The following FAM193A variants were observed in gnomAD, a reference collection of about 807,000 sequenced individuals.
FAM193A encodes the protein family with sequence similarity 193 member A, also known as protein FAM193A.
In FAM193A, 22 loss-of-function variants were observed where a neutral mutation model predicts 126.5. The ratio of observed to expected loss-of-function variants is 0.17; its 90% confidence interval spans 0.12 to 0.25. The LOEUF (loss-of-function observed/expected upper bound fraction) is 0.25, where lower values mean the gene tolerates loss of function less well. Ranked by LOEUF, FAM193A falls within the 10% of genes least tolerant of loss-of-function variation. FAM193A has a pLI of 1.00. For missense variants in FAM193A, 1,675 were observed against 1,672.8 expected, an observed-to-expected ratio of 1.00 and a Z score of -0.02; for synonymous variants, 761 against 646.8, an observed-to-expected ratio of 1.18 and a Z score of -2.68.
At chr4:2,642,134 C>CAAAA (rs35799531) in intron 6 of FAM193A, among the ~76,000 whole-genome samples, 1,243 of 86,176 alleles carry the variant, frequency 0.014, 70 homozygotes, top group African/African-American at 0.05. Flanking sequence ...ACTAAAAATA[C>CAAAA]AAAAAAAAAA....
At chr4:2,684,601 TC>T (rs1336002191) in intron 13 of FAM193A, among the ~76,000 whole-genome samples, 1 of 152,162 alleles carries the variant, frequency 6.6e-6, no homozygotes, top group Non-Finnish European at 1.5e-5. Flanking sequence ...ACCACAGCCC[TC>T]CATAGTGGAT....
intron 1 of FAM193A, among the ~76,000 whole-genome samples, chr4:2,538,596 C>T (rs1254573099): frequency 6.6e-6 from 1 of 151,066 alleles, no homozygotes; most frequent in East Asian, 1.9e-4. Flanking sequence ...TCAAAACAGG[C>T]CGCAGTTCTT....
At chr4:2,665,056 T>C (rs146388608) in intron 12 of FAM193A, among the ~76,000 whole-genome samples, 326 of 152,324 alleles carry the variant, frequency 2.1e-3, no homozygotes, top group African/African-American at 7.1e-3. Flanking sequence ...TGGGATGATA[T>C]AGATCAATTT....
intron 1 of FAM193A, among the ~76,000 whole-genome samples, chr4:2,556,396 G>A (rs1305882768): frequency 6.6e-6 from 1 of 151,566 alleles, no homozygotes; most frequent in Non-Finnish European, 1.5e-5. Flanking sequence ...AGTAGAGATG[G>A]GGTTTCACCA....
At position 2,731,768 on chromosome 4, in the gene FAM193A, T is replaced by G; in HGVS notation, c.4455-7T>G. 2 of 1,611,458 alleles carry G rather than the reference T, an allele frequency of 1.2e-6. No individual in the cohort carries two copies. Among genetic ancestry groups the G allele is most frequent in the Non-Finnish European group, 1.7e-6 (2 of 1,177,762 alleles). On this transcript the variant is annotated splice_region_variant and splice_polypyrimidine_tract_variant and intron_variant, in intron 20 of 20. Coordinates refer to ENST00000637812, the MANE Select transcript of FAM193A (RefSeq NM_001366318.2). ...TTCAGTGACTGTTTGGCTTTTTGTC[T>G]TTGCAGGTTCTGCTTGGATTCTGCT...
chr4:2,607,883 A>G (rs1297767529), intron 2 of FAM193A: 4 of 776,178 alleles, frequency 5.2e-6, no homozygotes, highest in East Asian at 2.9e-5. Context: ...TGTTGCAGAT[A>G]TTGCCTGTTT....
intron 1 of FAM193A, among the ~76,000 whole-genome samples, chr4:2,541,976 G>A (rs554314505): frequency 4.6e-4 from 69 of 151,450 alleles, no homozygotes; most frequent in South Asian, 2.9e-3. Flanking sequence ...TCAGCCTCCC[G>A]AGTAGCTGAG....
intron 7 of FAM193A, among the ~76,000 whole-genome samples, chr4:2,651,492 GGA>G (rs907689016): frequency 6.6e-6 from 1 of 152,154 alleles, no homozygotes; most frequent in Non-Finnish European, 1.5e-5. Context: ...CACAGTGGCA[GGA>G]GAGAGAGAGC....
rs190850725 is a variant in FAM193A at position 2,553,124 on chromosome 4, G to A, written c.255+15954G>A. Reference sequence around the variant, plus strand: ...CGGTCTCCCAGCGTGCTGGGATTACGGGCTTGAGCCACTGTGCCTGGCCGA... The same window carrying A: ...CGGTCTCCCAGCGTGCTGGGATTACAGGCTTGAGCCACTGTGCCTGGCCGA... On this transcript the variant is annotated intron_variant, in intron 1 of 20. Coordinates refer to ENST00000637812, the MANE Select transcript of FAM193A (RefSeq NM_001366318.2). 1.6e-3 allele frequency among the ~76,000 whole-genome samples: 243 copies of A among 151,990 alleles called. 1 individual carries two copies. The highest frequency in any genetic ancestry group is 5.3e-3 in the African/African-American group (218 of 41,496).
intron 1 of FAM193A, among the ~76,000 whole-genome samples, chr4:2,590,507 AAAAAAAAAAC>A (rs1740503616): frequency 1.7e-5 from 1 of 57,880 alleles, no homozygotes; most frequent in South Asian, 3.6e-4. Context: ...AAAAAAAAAC[AAAAAAAAAAC>A]AAAACAAAAT....
At chr4:2,728,746 G>A (rs1577290425) in intron 20 of FAM193A, among the ~76,000 whole-genome samples, 1 of 151,914 alleles carries the variant, frequency 6.6e-6, no homozygotes, top group Non-Finnish European at 1.5e-5. Context: ...ATATGATAGG[G>A]GTTTTTTGTT....
intron 15 of FAM193A, among the ~76,000 whole-genome samples, chr4:2,691,774 T>TA (rs370439634): frequency 0.6 from 81,794 of 136,278 alleles, 26,001 homozygotes; most frequent in South Asian, 0.76. Context: ...ACCCCGTCTC[T>TA]AAAAAAAAAA....
rs185824217 is a variant in FAM193A at position 2,613,208 on chromosome 4, A to G, written c.502-12054A>G. Among the ~76,000 whole-genome samples, 36 of 152,288 alleles carry G rather than the reference A, an allele frequency of 2.4e-4. No individual in the cohort carries two copies. The East Asian group carries it at 6.7e-3, about 29-fold the overall frequency. On this transcript the variant is annotated intron_variant, in intron 2 of 20. Coordinates refer to ENST00000637812, the MANE Select transcript of FAM193A (RefSeq NM_001366318.2). The stretch of plus-strand genomic sequence containing the variant: ...ATCCAGCACTTTGGGAGTTCTACGC[A>G]GGTGGATTGCTTGAGGCCAGGAGTT...
intron 13 of FAM193A, among the ~76,000 whole-genome samples, chr4:2,682,642 C>A (rs1159623277): frequency 6.6e-6 from 1 of 152,120 alleles, no homozygotes; most frequent in Admixed American, 6.5e-5. Flanking sequence ...GTTTTATCTC[C>A]TCTGTTAGTA....
In FAM193A at chr4:2,695,429, G is replaced by A. The variant is rs144379536; in HGVS notation, c.3276+300G>A. On this transcript the variant is annotated intron_variant, in intron 17 of 20. Coordinates refer to ENST00000637812, the MANE Select transcript of FAM193A (RefSeq NM_001366318.2). Reference sequence around the variant, plus strand: ...CATATGGTGGAACATTGTAGCCAGCGACAGCAGCGTTGTGTGTGTGCAGTT... The same window carrying A: ...CATATGGTGGAACATTGTAGCCAGCAACAGCAGCGTTGTGTGTGTGCAGTT... Among the ~76,000 whole-genome samples, 797 of 152,274 alleles carry A rather than the reference G, an allele frequency of 5.2e-3. 8 individuals carry two copies. The highest frequency in any genetic ancestry group is 0.018 in the African/African-American group (758 of 41,550).
At chr4:2,712,185 A>G (rs567248955) in intron 19 of FAM193A, among the ~76,000 whole-genome samples, 81 of 152,042 alleles carry the variant, frequency 5.3e-4, no homozygotes, top group African/African-American at 2.0e-3. Flanking sequence ...TATAGAGTTC[A>G]CTGTGTGTGT....
At chr4:2,698,137 G>C (rs1391698846) in intron 18 of FAM193A, among the ~76,000 whole-genome samples, 1 of 152,254 alleles carries the variant, frequency 6.6e-6, no homozygotes, top group Non-Finnish European at 1.5e-5. Flanking sequence ...TGGCTGGCTG[G>C]TTGTTGAAGG....
At chr4:2,646,147 T>C (rs943227656) in intron 6 of FAM193A, among the ~76,000 whole-genome samples, 7 of 150,350 alleles carry the variant, frequency 4.7e-5, no homozygotes, top group African/African-American at 1.7e-4. Flanking sequence ...CTGTTGTTTC[T>C]TTGAGCATCT....
rs1192424413 is a variant in FAM193A, at chr4:2,646,802, G to A, written c.1281G>A (p.Gln427=). Residue 427 remains glutamine, a synonymous_variant, in exon 7 of 21, where the codon CAG becomes CAA. Transcript: ENST00000637812. ...RRVAEEWLEC[Q]KRIDAYVDEQ... Reference sequence around the variant, plus strand: ...TCGCCGAGGAGTGGCTGGAGTGCCAGAAGAGGATCGACGCCTATGTCGACG... The same window carrying A: ...TCGCCGAGGAGTGGCTGGAGTGCCAAAAGAGGATCGACGCCTATGTCGACG... The A allele has an allele frequency of 6.2e-7, 1 of 1,613,544 alleles. No homozygotes were observed. Among genetic ancestry groups the A allele is most frequent in the Non-Finnish European group, 8.5e-7 (1 of 1,179,784 alleles).
Sources: gnomAD v4.1 joint callset for allele counts (sites outside exome capture counted in the v4.1 genomes callset) on GRCh38, gnomAD v4.1.1 for gene constraint, MANE v1.5 for transcripts, NCBI Gene and HGNC (gene_info 2026-07-23, HGNC 2026-07-21) for gene names.